Variants in JAM3 observed in about 807,000 individuals in gnomAD.
JAM3 encodes junctional adhesion molecule 3, also known as junctional adhesion molecule C.
In JAM3, 31 loss-of-function variants were observed where a neutral mutation model predicts 39.4. That is an observed-to-expected ratio of 0.79 (90% confidence interval 0.59 to 1.06). The LOEUF is 1.06. Ranked by LOEUF, JAM3 falls within the 50% of genes least tolerant of loss-of-function variation. The probability of loss-of-function intolerance (pLI) is 0.00; values close to 1 mark genes in which losing one functional copy is unlikely to be tolerated. For synonymous variants in JAM3, 182 were observed against 148.7 expected, an observed-to-expected ratio of 1.22 and a Z score of -1.63; for missense variants, 455 against 391.4, an observed-to-expected ratio of 1.16 and a Z score of -1.37.
intron 1 of JAM3, among the ~76,000 whole-genome samples, chr11:134,135,339 A>T (rs904581152): frequency 7.2e-5 from 11 of 152,096 alleles, no homozygotes; most frequent in South Asian, 2.1e-4. Context: ...GCAAGGATTT[A>T]TTTCTGGGCT....
chr11:134,100,977 T>C (rs957176145), intron 1 of JAM3, among the ~76,000 whole-genome samples: 4 of 152,248 alleles, frequency 2.6e-5, no homozygotes, highest in African/African-American at 9.6e-5. Context: ...GTGATGTTTA[T>C]GTCTTCTTTC....
rs1343678580 is a variant in JAM3 at position 134,148,811 on chromosome 11, A to G, written c.890A>G (p.Asp297Gly). The change falls in exon 8 of 9, where the codon GAC becomes GGC. Residue 297 changes from aspartate (D) to glycine (G), a missense_variant. Physicochemically the swap from Asp to Gly is moderately conservative, Grantham distance 94. Transcript: ENST00000299106. ...KPDGVNYIRTDEEGDFRHKSS... is the reference protein window; with the variant it reads ...KPDGVNYIRTGEEGDFRHKSS... ...GATGGAGTTAACTACATCCGCACTG[A>G]CGAGGAGGTAATCATTTAGTAAACC... 1 of 1,614,042 alleles carries G rather than the reference A, an allele frequency of 6.2e-7. No individual in the cohort carries two copies. Among genetic ancestry groups the G allele is most frequent in the African/African-American group, 1.3e-5 (1 of 74,936 alleles).
intron 1 of JAM3, among the ~76,000 whole-genome samples, chr11:134,107,446 C>G (rs992067400): frequency 3.3e-5 from 5 of 151,806 alleles, no homozygotes; most frequent in Non-Finnish European, 5.9e-5. Flanking sequence ...CAAACCTGCA[C>G]GTTGTACAGA....
chr11:134,140,603 A>C, intron 2 of JAM3, 54 bp from the exon 3 acceptor site: 3 of 1,443,832 alleles, frequency 2.1e-6, no homozygotes, highest in Non-Finnish European at 2.0e-6. Flanking sequence ...GGTGCAGCTG[A>C]ACGTAGAAGC....
Position 134,111,384 on chromosome 11 carries a change from C to T in JAM3, c.77-28467C>T, listed in dbSNP as rs1942307118. Among the ~76,000 whole-genome samples the T allele has an allele frequency of 2.0e-5, 3 of 151,980 alleles. 1 individual carries two copies. Among genetic ancestry groups the T allele is most frequent in the South Asian group, 4.2e-4 (2 of 4,802 alleles). ...GTCTCAATCTCCTGACCTCGTGTTC[C>T]GCCCACCTCGGCCTCCCACCATTCA... On this transcript the variant is annotated intron_variant, in intron 1 of 8. Transcript: ENST00000299106.
rs538542667 is a variant in JAM3 at position 134,077,678 on chromosome 11, C to T, written c.76+8519C>T. The stretch of plus-strand genomic sequence containing the variant: ...TTTTTTTTTTTTTTTTTTTTTGAAA[C>T]GGAGTTTTGCTCTTTCGCCCATGCT... On this transcript the variant is annotated intron_variant, in intron 1 of 8. Coordinates refer to ENST00000299106, the MANE Select transcript of JAM3 (RefSeq NM_032801.5). Among the ~76,000 whole-genome samples the T allele has an allele frequency of 2.7e-4, 24 of 87,830 alleles. 2 individuals carry two copies. The South Asian group carries it at 5.6e-3, about 20-fold the overall frequency. The allele number at this position is 87,830 out of a possible 152,430, so 57.6% of individuals were successfully genotyped here.
chr11:134,099,896 C>T (rs904993822), intron 1 of JAM3, among the ~76,000 whole-genome samples: 6 of 152,320 alleles, frequency 3.9e-5, no homozygotes, highest in South Asian at 2.1e-4. Context: ...TGAGCCACCG[C>T]GCCCGGCTTG....
chr11:134,112,898 C>T (rs547130397), intron 1 of JAM3, among the ~76,000 whole-genome samples: 8 of 152,244 alleles, frequency 5.3e-5, no homozygotes, highest in African/African-American at 1.9e-4. Flanking sequence ...CATTTGAGGT[C>T]TGAAGCCACA....
chr11:134,095,627 C>CA (rs57776262), intron 1 of JAM3, among the ~76,000 whole-genome samples: 4,778 of 137,292 alleles, frequency 0.035, 83 homozygotes, highest in Non-Finnish European at 0.044. Flanking sequence ...GAGACTCTGT[C>CA]AAAAAAAAAA....
At position 134,140,650 on chromosome 11, in the gene JAM3, G is replaced by T; in HGVS notation, c.143-7G>T. 6.2e-7 allele frequency: 1 copy of T among 1,609,448 alleles called. No homozygotes were observed. The highest frequency in any genetic ancestry group is 8.5e-7 in the Non-Finnish European group (1 of 1,176,048). ...ACCGAGAGCTCTTTTTCTTCTTTGC[G>T]TGTTAGGTGTGGAACTGTCTTGCAT... On this transcript the variant is annotated splice_region_variant and splice_polypyrimidine_tract_variant and intron_variant, in intron 2 of 8. Transcript: ENST00000299106.
intron 1 of JAM3, among the ~76,000 whole-genome samples, chr11:134,131,107 G>A (rs1177437442): frequency 6.6e-6 from 1 of 152,052 alleles, no homozygotes; most frequent in Non-Finnish European, 1.5e-5. Context: ...GAAAAGCCCT[G>A]ACAAGATGCT....
At chr11:134,113,603 T>C (rs2120738761) in intron 1 of JAM3, among the ~76,000 whole-genome samples, 1 of 152,348 alleles carries the variant, frequency 6.6e-6, no homozygotes, top group South Asian at 2.1e-4. Flanking sequence ...TAATGGACAT[T>C]TGGGTTGGTT....
At chr11:134,121,476 CTT>C (rs796353940) in intron 1 of JAM3, among the ~76,000 whole-genome samples, 1 of 145,704 alleles carries the variant, frequency 6.9e-6, no homozygotes, top group African/African-American at 2.5e-5. Flanking sequence ...CAGCTCCCTC[CTT>C]TTTTTTTTTG....
At chr11:134,139,825 T>A in intron 1 of JAM3, 26 bp from the exon 2 acceptor site, 3 of 1,597,316 alleles carry the variant, frequency 1.9e-6, no homozygotes, top group Non-Finnish European at 2.6e-6. Context: ...ACATTGTCTC[T>A]GATTTTACTT....
chr11:134,127,292 A>G (rs1942667961), intron 1 of JAM3, among the ~76,000 whole-genome samples: 1 of 152,226 alleles, frequency 6.6e-6, no homozygotes, highest in Non-Finnish European at 1.5e-5. Flanking sequence ...AGTGACCCTA[A>G]GGAATTAATC....
intron 6 of JAM3, 72 bp downstream of exon 6, chr11:134,146,117 A>G (rs1039985108): frequency 4.8e-6 from 5 of 1,048,042 alleles, no homozygotes; most frequent in African/African-American, 1.6e-5. Context: ...TTAATATTAT[A>G]CCATCAGCTT....
At chr11:134,145,816 A>C in intron 5 of JAM3, 130 bp from the exon 6 acceptor site, 1 of 736,138 alleles carries the variant, frequency 1.4e-6, no homozygotes. Flanking sequence ...TCAGGGAGGA[A>C]CATGCACAGT....
chr11:134,114,893 T>C lies in JAM3; in HGVS notation c.77-24958T>C, dbSNP rs1237544034. Among the ~76,000 whole-genome samples the C allele has an allele frequency of 2.6e-5, 4 of 152,212 alleles. No individual in the cohort carries two copies. In the East Asian group the frequency reaches 7.7e-4, roughly 29 times the overall value. On this transcript the variant is annotated intron_variant, in intron 1 of 8. Transcript: ENST00000299106. ...CGATAGAATTTTTAAAAATCAGCATTCTTACTGATTTTCTGTCCACTTGTT... is the reference window on the plus strand; with the variant it reads ...CGATAGAATTTTTAAAAATCAGCATCCTTACTGATTTTCTGTCCACTTGTT...
At chr11:134,128,422 T>C (rs1205577419) in intron 1 of JAM3, among the ~76,000 whole-genome samples, 1 of 152,228 alleles carries the variant, frequency 6.6e-6, no homozygotes, top group Non-Finnish European at 1.5e-5. Flanking sequence ...TTTCTGTATT[T>C]GGTATAAAGT....
Sources: allele counts gnomAD v4.1 joint callset (sites outside exome capture counted in the v4.1 genomes callset), GRCh38; gene constraint gnomAD v4.1.1; transcripts MANE v1.5; gene names NCBI Gene and HGNC (gene_info 2026-07-23, HGNC 2026-07-21).